The following B9D1 variants were observed in gnomAD, a reference collection of about 807,000 sequenced individuals.
B9D1 encodes B9 domain containing 1, also known as B9 domain-containing protein 1.
In B9D1, 20 loss-of-function variants were observed where a neutral mutation model predicts 26.1. The ratio of observed to expected loss-of-function variants is 0.77; its 90% CI spans 0.54 to 1.12. B9D1 has a LOEUF of 1.12. B9D1 is among the 50% of genes most tolerant of loss of function. The probability of loss-of-function intolerance (pLI) is 0.00; values close to 1 mark genes in which losing one functional copy is unlikely to be tolerated. For missense variants in B9D1, 260 were observed against 273.7 expected, an observed-to-expected ratio of 0.95 and a Z score of 0.35; for synonymous variants, 105 against 103.1, an observed-to-expected ratio of 1.02 and a Z score of -0.11.
chr17:19,363,104 G>GGGCTAACTCTGGAATGCCGGGTGCTC (rs1911351312), upstream of B9D1: 2 of 167,594 alleles, frequency 1.2e-5, no homozygotes, highest in Non-Finnish European at 2.7e-5. Context: ...ACAGCTGTCG[G>GGGCTAACTCTGGAATGCCGGGTGCTC]GGCTAACTCT....
At chr17:19,338,233 T>C (rs1333646557), downstream of B9D1, among the ~76,000 whole-genome samples, 1 of 152,262 alleles carries the variant, frequency 6.6e-6, no homozygotes, top group Admixed American at 6.5e-5. Flanking sequence ...TGAGGTCGCC[T>C]TGCGGTGAGG....
At position 19,347,856 on chromosome 17, in the gene B9D1, T is replaced by C. The variant is rs747596672; in HGVS notation, c.269A>G (p.Tyr90Cys). 4 of 1,614,040 alleles carry C rather than the reference T, an allele frequency of 2.5e-6. No homozygotes were observed. Among genetic ancestry groups the C allele is most frequent in the Non-Finnish European group, 3.4e-6 (4 of 1,179,992 alleles). Residue 90 changes from tyrosine (Y) to cysteine (C), a missense_variant, in exon 4 of 7, where the codon TAT becomes TGT. By Grantham distance (194) the Tyr-to-Cys change is radical. Coordinates refer to ENST00000261499, the MANE Select transcript of B9D1 (RefSeq NM_015681.6). This position sits in a 1 kb window ranked among gnomAD's most constrained non-coding sequence, Gnocchi z 4.3. ...YGWPQIVLSV[Y>C]GPDVFGNDVV... ...ATCGTTCCCGAACACATCTGGTCCATACACGCTGAGCACGATCTGTGGCCC... is the reference window on the plus strand; with the variant it reads ...ATCGTTCCCGAACACATCTGGTCCACACACGCTGAGCACGATCTGTGGCCC...
In B9D1 at chr17:19,347,266, C is replaced by A. The variant is rs199828914; in HGVS notation, c.404+3G>T. On this transcript the variant is annotated splice_donor_region_variant and intron_variant, in intron 5 of 6. Coordinates refer to ENST00000261499, the MANE Select transcript of B9D1 (RefSeq NM_015681.6). The surrounding 1 kb of genome is among the most constrained non-coding windows in gnomAD (Gnocchi z 4.3). ...GGGCTGGGGTTATGGGTACAAAACT[C>A]ACCTTGTAAACTTCTGCAGTTTAGA... 1.1e-5 allele frequency: 17 copies of A among 1,614,222 alleles called. No individual in the cohort carries two copies. Among genetic ancestry groups the A allele is most frequent in the Non-Finnish European group, 1.4e-5 (17 of 1,180,038 alleles).
At chr17:19,376,176 A>T (rs753775208) in intron 1 of B9D1, among the ~76,000 whole-genome samples, 155 of 152,218 alleles carry the variant, frequency 1.0e-3, no homozygotes, top group Admixed American at 2.7e-3. Context: ...ATAGAGACAG[A>T]AAGTAGTTCA....
intron 2 of B9D1, among the ~76,000 whole-genome samples, chr17:19,358,726 A>C (rs1910670367): frequency 6.6e-6 from 1 of 152,052 alleles, no homozygotes; most frequent in Non-Finnish European, 1.5e-5. Context: ...ATCTTTGGCC[A>C]GCTCCTCTAC....
chr17:19,349,391 A>T (rs1363661525), intron 3 of B9D1, among the ~76,000 whole-genome samples: 7 of 146,700 alleles, frequency 4.8e-5, no homozygotes, highest in African/African-American at 7.5e-5. Flanking sequence ...CATTAAAAAC[A>T]TTTTTTTTTT....
chr17:19,373,290 C>T (rs1911977895), intron 1 of B9D1, among the ~76,000 whole-genome samples: 1 of 152,238 alleles, frequency 6.6e-6, no homozygotes, highest in African/African-American at 2.4e-5. Flanking sequence ...CAGCACCCCC[C>T]AACCTGTTCT....
chr17:19,335,342 AAAATC>A, downstream of B9D1: 1 of 1,499,136 alleles, frequency 6.7e-7, no homozygotes, highest in South Asian at 1.3e-5. Flanking sequence ...GTTAAAGAAA[AAAATC>A]TAATGTATGA....
chr17:19,338,562 G>A (rs143284337), downstream of B9D1, among the ~76,000 whole-genome samples: 11 of 152,336 alleles, frequency 7.2e-5, no homozygotes, highest in African/African-American at 1.9e-4. Flanking sequence ...TGTGGTCTCC[G>A]TCACCTGATG....
chr17:19,370,239 T>C lies in B9D1; in HGVS notation c.-298+7620A>G, dbSNP rs989828535. On this transcript the variant is annotated intron_variant, in intron 1 of 5. Coordinates refer to the B9D1 transcript ENST00000477478. The surrounding 1 kb of genome is among the most constrained non-coding windows in gnomAD (Gnocchi z 5.1). ...ACGATTTGAGTTGTTTTTTGAAAGATTGCTCTGGCTACTGTGCAGAGTGGC... is the reference window on the plus strand; with the variant it reads ...ACGATTTGAGTTGTTTTTTGAAAGACTGCTCTGGCTACTGTGCAGAGTGGC... Among the ~76,000 whole-genome samples, 3 of 152,224 alleles carry C rather than the reference T, an allele frequency of 2.0e-5. No homozygotes were observed. Among genetic ancestry groups the C allele is most frequent in the East Asian group, 1.9e-4 (1 of 5,204 alleles).
At chr17:19,361,198 A>G (rs6587071) in intron 1 of B9D1, among the ~76,000 whole-genome samples, 1 of 152,070 alleles carries the variant, frequency 6.6e-6, no homozygotes, top group East Asian at 1.9e-4. Context: ...CACTGATTCT[A>G]CATTATGGTG....
upstream of B9D1, among the ~76,000 whole-genome samples, chr17:19,367,644 G>A (rs57824681): frequency 0.079 from 11,987 of 152,200 alleles, 1,620 homozygotes; most frequent in African/African-American, 0.27. Context: ...TAATTCAGGG[G>A]CATTCTGTAT....
At chr17:19,360,803 G>A (rs1447634921) in intron 1 of B9D1, among the ~76,000 whole-genome samples, 1 of 152,214 alleles carries the variant, frequency 6.6e-6, no homozygotes, top group Non-Finnish European at 1.5e-5. Flanking sequence ...CATGAGTAGA[G>A]AAGAGATTTA....
chr17:19,353,386 C>T (rs899479895), intron 3 of B9D1, among the ~76,000 whole-genome samples: 3 of 151,914 alleles, frequency 2.0e-5, no homozygotes, highest in Non-Finnish European at 4.4e-5. Context: ...GTCTGTAATC[C>T]CAGCACTTTG....
intron 6 of B9D1, 53 bp downstream of exon 6, chr17:19,343,737 C>T: frequency 1.2e-6 from 2 of 1,613,202 alleles, no homozygotes; most frequent in Non-Finnish European, 1.7e-6. Context: ...CCACCCACTC[C>T]CAGGCTGTAA....
intron 1 of B9D1, among the ~76,000 whole-genome samples, chr17:19,361,963 T>C (rs932808484): frequency 2.0e-5 from 3 of 152,124 alleles, no homozygotes; most frequent in Non-Finnish European, 2.9e-5. Flanking sequence ...TTGGTGAGCG[T>C]TGGTTTATAT....
intron 3 of B9D1, among the ~76,000 whole-genome samples, chr17:19,351,999 C>T (rs1262471945): frequency 6.6e-6 from 1 of 152,106 alleles, no homozygotes; most frequent in Non-Finnish European, 1.5e-5. Flanking sequence ...AATCCTCCCA[C>T]CTCAGCCTCC....
At chr17:19,340,663 C>T (rs1907864219), downstream of B9D1, among the ~76,000 whole-genome samples, 1 of 151,402 alleles carries the variant, frequency 6.6e-6, no homozygotes, top group South Asian at 2.1e-4. Context: ...TGGCAGGTGC[C>T]TGTAATTTTA....
chr17:19,341,741 C>T (rs554045285), downstream of B9D1, among the ~76,000 whole-genome samples: 16 of 152,164 alleles, frequency 1.1e-4, no homozygotes, highest in East Asian at 5.8e-4. Context: ...GCAGGGCAGG[C>T]GAAGGAACAG....
Sources: allele counts gnomAD v4.1 joint callset (sites outside exome capture counted in the v4.1 genomes callset), GRCh38; gene constraint gnomAD v4.1.1; non-coding constraint Gnocchi (gnomAD v3.1); transcripts MANE v1.5; gene names NCBI Gene and HGNC (gene_info 2026-07-23, HGNC 2026-07-21).